MDN1: variants seen among roughly 807,000 people sequenced by gnomAD.
The protein encoded by MDN1 is midasin AAA ATPase 1.
Under a neutral mutation model 669.2 loss-of-function variants are expected in MDN1, and 266 were observed. The observed-to-expected ratio is 0.40, with a 90% CI of 0.36 to 0.44. The LOEUF (loss-of-function observed/expected upper bound fraction) is 0.44, where lower values mean the gene tolerates loss of function less well. Among genes scored for constraint, MDN1 ranks in the 20% least tolerant of loss-of-function variants. The pLI, the probability that MDN1 is intolerant of heterozygous loss-of-function variation, is 1.00. For synonymous variants in MDN1, 2,385 were observed against 2,457.1 expected (o/e 0.97, Z 0.87); for missense variants, 5,940 against 6,754.0 (o/e 0.88, Z 4.22).
At chr6:89,727,799 T>C in intron 37 of MDN1, 34 bp downstream of exon 37, 1 of 1,612,544 alleles carries the variant, frequency 6.2e-7, no homozygotes, top group Non-Finnish European at 8.5e-7. Flanking sequence ...ACACACATGA[T>C]CACCGTCTTG....
chr6:89,741,475 T>C (rs1166913818), intron 31 of MDN1, among the ~76,000 whole-genome samples: 1 of 151,982 alleles, frequency 6.6e-6, no homozygotes, highest in African/African-American at 2.4e-5. Flanking sequence ...AGAAAAGTAA[T>C]AGCGCCCCCC....
Position 89,692,763 on chromosome 6 carries a change from G to A in MDN1, c.10267C>T (p.His3423Tyr), listed in dbSNP as rs9294445. The change falls in exon 63 of 102, where the codon CAC (histidine) becomes TAC (tyrosine). Residue 3423 changes from histidine (H) to tyrosine (Y), a missense_variant. Physicochemically the swap from His to Tyr is moderately conservative, Grantham distance 83. Transcript: ENST00000369393. ...LVASELHTSL[H>Y]SSMVGADRLG... is the part of the protein sequence containing the mutation. ...CTGTCTGCACCAACCATACTGCTGT[G>A]GAGTGAGGTGTGGAGCTCAGAGGCC... The A allele has an allele frequency of 0.49, 798,131 of 1,613,726 alleles. 204,723 individuals carry two copies. Among genetic ancestry groups the A allele is most frequent in the East Asian group, 0.91 (40,964 of 44,866 alleles).
At chr6:89,712,382 C>T in intron 48 of MDN1, 126 bp from the exon 49 acceptor site, 2 of 1,051,954 alleles carry the variant, frequency 1.9e-6, no homozygotes, top group Non-Finnish European at 2.8e-6. Flanking sequence ...GAGTCTCCCA[C>T]AGAGGAAGAA....
Position 89,668,113 on chromosome 6 carries a change from A to G in MDN1, c.13995T>C (p.Ala4665=). ...CLPKEFMEDS[A]GEGATEFHDY... ...CATGGAACTCAGTTGCTCCCTCTCC[A>G]GCTGAATCTTCCATAAATTCTTTGG... The change falls in exon 84 of 102, where the codon GCT becomes GCC. Residue 4665 remains alanine, a synonymous_variant. Transcript: ENST00000369393. 1 of 1,614,108 alleles carries G rather than the reference A, an allele frequency of 6.2e-7. No individual in the cohort carries two copies. The highest frequency in any genetic ancestry group is 8.5e-7 in the Non-Finnish European group (1 of 1,180,006).
At chr6:89,794,435 AAAGG>A in intron 3 of MDN1, 138 bp downstream of exon 3, 1 of 790,198 alleles carries the variant, frequency 1.3e-6, no homozygotes, top group Non-Finnish European at 2.0e-6. Flanking sequence ...ATGATTAAAG[AAAGG>A]AAGTAAAACC....
At chr6:89,698,543 G>A (rs1812931786) in intron 59 of MDN1, among the ~76,000 whole-genome samples, 1 of 152,272 alleles carries the variant, frequency 6.6e-6, no homozygotes, top group Non-Finnish European at 1.5e-5. Flanking sequence ...ATATAGAACA[G>A]AGTGGATATT....
intron 1 of MDN1, among the ~76,000 whole-genome samples, chr6:89,807,903 T>TGA: frequency 1.3e-5 from 2 of 152,312 alleles, no homozygotes; most frequent in South Asian, 4.1e-4. Flanking sequence ...TGGTTTCACT[T>TGA]GTTTTTTTTC....
At position 89,718,478 on chromosome 6, in the gene MDN1, C is replaced by T; in HGVS notation, c.6471G>A (p.Lys2157=). The T allele has an allele frequency of 1.2e-6, 2 of 1,614,168 alleles. No individual in the cohort carries two copies. The highest frequency in any genetic ancestry group is 1.7e-6 in the Non-Finnish European group (2 of 1,180,034). Reference sequence around the variant, plus strand: ...TAGCTTTACCACCTTCTCCAAGACACTTAGGCTTATATGTCAGAAGAAAAT... The same window carrying T: ...TAGCTTTACCACCTTCTCCAAGACATTTAGGCTTATATGTCAGAAGAAAAT... ...WSHFLLTYKP[K]CLGEGGKAIT... Residue 2157 remains lysine, a synonymous_variant, in exon 43 of 102, where the codon AAG becomes AAA. Transcript: ENST00000369393.
At chr6:89,716,056 T>C (rs1814350183) in intron 44 of MDN1, among the ~76,000 whole-genome samples, 1 of 152,230 alleles carries the variant, frequency 6.6e-6, no homozygotes, top group South Asian at 2.1e-4. Flanking sequence ...CTTTTCACTT[T>C]TTCCTTTCCT....
chr6:89,702,451 T>TG (rs1813224396), intron 53 of MDN1, among the ~76,000 whole-genome samples: 1 of 152,248 alleles, frequency 6.6e-6, no homozygotes, highest in African/African-American at 2.4e-5. Flanking sequence ...TGCCAATACT[T>TG]GCTGTTAATG....
chr6:89,745,847 G>A (rs1156763144), intron 27 of MDN1, among the ~76,000 whole-genome samples: 6 of 152,080 alleles, frequency 3.9e-5, no homozygotes, highest in African/African-American at 1.2e-4. Context: ...TGTGTGTGTC[G>A]AAAGACATAA....
chr6:89,734,061 G>T (rs892143272), intron 33 of MDN1, among the ~76,000 whole-genome samples: 10 of 151,932 alleles, frequency 6.6e-5, no homozygotes, highest in Admixed American at 4.6e-4. Flanking sequence ...GAGGCGGGCA[G>T]ATCACTAGAG....
At chr6:89,739,265 T>C (rs374846443) in intron 32 of MDN1, among the ~76,000 whole-genome samples, 22 of 152,128 alleles carry the variant, frequency 1.4e-4, no homozygotes, top group African/African-American at 5.3e-4. Flanking sequence ...TCAGCAAGCA[T>C]TGACTTGAGG....
chr6:89,726,482 G>GAAAAAAAAAAAAAGAAAAAAAA (rs1815245712), intron 37 of MDN1, among the ~76,000 whole-genome samples: 5 of 90,930 alleles, frequency 5.5e-5, no homozygotes, highest in Non-Finnish European at 1.2e-4. Flanking sequence ...AAGAAAAATA[G>GAAAAAAAAAAAAAGAAAAAAAA]AAAAAAAAAA....
chr6:89,748,835 G>A (rs1404589609), intron 26 of MDN1, among the ~76,000 whole-genome samples: 1 of 151,994 alleles, frequency 6.6e-6, no homozygotes, highest in Non-Finnish European at 1.5e-5. Flanking sequence ...CAAGGTGGGT[G>A]GATCCCTTGA....
intron 64 of MDN1, among the ~76,000 whole-genome samples, chr6:89,690,429 G>T (rs1037510499): frequency 1.2e-4 from 18 of 151,962 alleles, no homozygotes; most frequent in African/African-American, 4.1e-4. Flanking sequence ...AAAACGGCAG[G>T]GTGTGGTAGC....
chr6:89,661,621 A>G, intron 87 of MDN1, 43 bp from the exon 88 acceptor site: 1 of 1,535,680 alleles, frequency 6.5e-7, no homozygotes, highest in South Asian at 1.2e-5. Context: ...AAAAATACAA[A>G]TATTTTTTTA....
intron 1 of MDN1, among the ~76,000 whole-genome samples, chr6:89,817,809 A>C (rs895765289): frequency 4.8e-5 from 7 of 146,038 alleles, no homozygotes; most frequent in Non-Finnish European, 9.0e-5. Context: ...TTTCTTTCTT[A>C]ATTTTGCACC....
intron 1 of MDN1, among the ~76,000 whole-genome samples, chr6:89,808,083 A>G (rs1305036305): frequency 1.3e-5 from 2 of 151,368 alleles, no homozygotes; most frequent in Non-Finnish European, 2.9e-5. Flanking sequence ...CCAGCCTATA[A>G]TCACTTTTTT....
Sources: allele counts gnomAD v4.1 joint callset (sites outside exome capture counted in the v4.1 genomes callset), GRCh38; gene constraint gnomAD v4.1.1; transcripts MANE v1.5; gene names NCBI Gene and HGNC (gene_info 2026-07-23, HGNC 2026-07-21).